The following FARS2 variants were observed in gnomAD, a reference collection of about 807,000 sequenced individuals.
FARS2 encodes phenylalanine--tRNA ligase, mitochondrial.
FARS2 carries 40 observed loss-of-function variants against 46.4 expected under a neutral mutation model. That is an observed-to-expected ratio of 0.86 (90% CI 0.67 to 1.12). The LOEUF (loss-of-function observed/expected upper bound fraction) is 1.12, where lower values mean the gene tolerates loss of function less well. Among genes scored for constraint, FARS2 ranks in the 50% most tolerant of loss-of-function variants. FARS2 has a pLI of 0.00. For synonymous variants in FARS2, 234 were observed against 214.9 expected, an observed-to-expected ratio of 1.09 and a Z score of -0.78; for missense variants, 513 against 567.9, an observed-to-expected ratio of 0.90 and a Z score of 0.98.
At chr6:5,524,147 A>G (rs1295934528) in intron 4 of FARS2, among the ~76,000 whole-genome samples, 1 of 152,220 alleles carries the variant, frequency 6.6e-6, no homozygotes, top group African/African-American at 2.4e-5. Context: ...TCCTATTCAC[A>G]TCTTTAGAGA....
chr6:5,325,850 AAAGT>A (rs1770337282), intron 1 of FARS2, among the ~76,000 whole-genome samples: 3 of 152,208 alleles, frequency 2.0e-5, no homozygotes, highest in African/African-American at 7.2e-5. Flanking sequence ...CTGTTAACAA[AAAGT>A]AAGTACCAAA....
chr6:5,415,218 T>A (rs1318185707), intron 3 of FARS2, among the ~76,000 whole-genome samples: 1 of 152,018 alleles, frequency 6.6e-6, no homozygotes, highest in Non-Finnish European at 1.5e-5. Context: ...TCATTTTTGC[T>A]AGCACTTGTT....
chr6:5,686,404 C>T (rs778626925), intron 6 of FARS2, among the ~76,000 whole-genome samples: 50 of 151,916 alleles, frequency 3.3e-4, no homozygotes, highest in Non-Finnish European at 5.1e-4. Context: ...TTCCTGTGTC[C>T]ATGTGTTCTC....
intron 5 of FARS2, among the ~76,000 whole-genome samples, chr6:5,548,153 A>C (rs1374640809): frequency 6.6e-6 from 1 of 152,188 alleles, no homozygotes; most frequent in East Asian, 1.9e-4. Context: ...CGAGAATAGC[A>C]CAGGAAAGAC....
chr6:5,255,566 T>C, the FARS2 span, among the ~76,000 whole-genome samples: 1 of 152,198 alleles, frequency 6.6e-6, no homozygotes, highest in Non-Finnish European at 1.5e-5. Context: ...CTCAGTAATA[T>C]TTAAGAACGT....
intron 6 of FARS2, among the ~76,000 whole-genome samples, chr6:5,649,219 A>C (rs1386462167): frequency 6.6e-6 from 1 of 152,154 alleles, no homozygotes; most frequent in Non-Finnish European, 1.5e-5. Context: ...CTGTGCATAT[A>C]TCTCTCTTCC....
chr6:5,287,614 C>T (rs1349360492), intron 1 of FARS2, among the ~76,000 whole-genome samples: 1 of 152,196 alleles, frequency 6.6e-6, no homozygotes, highest in Non-Finnish European at 1.5e-5. Context: ...CTTCCCCGTC[C>T]CACAGAAAGA....
intron 6 of FARS2, among the ~76,000 whole-genome samples, chr6:5,615,693 G>C (rs1039762763): frequency 1.3e-5 from 2 of 151,268 alleles, no homozygotes; most frequent in Non-Finnish European, 2.9e-5. Flanking sequence ...CTTTTTTGCC[G>C]CTCATATTTG....
rs112655399 is a variant in FARS2 at position 5,705,938 on chromosome 6, T to C, written c.1218-65353T>C. The stretch of plus-strand genomic sequence containing the variant: ...GCCATTTTCTCCTCATTGGTGATCA[T>C]TATCTTAGTCCTCTGTGTCCAGCAG... On this transcript the variant is annotated intron_variant, in intron 6 of 6. Coordinates refer to ENST00000274680, the MANE Select transcript of FARS2 (RefSeq NM_006567.5). Among the ~76,000 whole-genome samples, 385 of 152,326 alleles carry C rather than the reference T, an allele frequency of 2.5e-3. 1 individual carries two copies. The highest frequency in any genetic ancestry group is 9.1e-3 in the African/African-American group (379 of 41,568).
chr6:5,645,854 T>C (rs1211251476), intron 6 of FARS2, among the ~76,000 whole-genome samples: 3 of 152,250 alleles, frequency 2.0e-5, no homozygotes, highest in Non-Finnish European at 4.4e-5. Context: ...AAGCCATGCA[T>C]TTCAACAAAG....
intron 5 of FARS2, among the ~76,000 whole-genome samples, chr6:5,610,910 A>G (rs1775144671): frequency 6.6e-6 from 1 of 152,240 alleles, no homozygotes; most frequent in African/African-American, 2.4e-5. Flanking sequence ...CCGACGTGGT[A>G]TGTCCACTAG....
At chr6:5,344,877 C>G (rs535927270) in intron 1 of FARS2, among the ~76,000 whole-genome samples, 1 of 151,950 alleles carries the variant, frequency 6.6e-6, no homozygotes, top group Admixed American at 6.6e-5. Context: ...GCAGCCTCCA[C>G]CTCCTGGGTT....
chr6:5,273,231 T>C (rs72813693), intron 1 of FARS2, among the ~76,000 whole-genome samples: 18,778 of 152,274 alleles, frequency 0.12, 1,428 homozygotes, highest in Non-Finnish European at 0.16. Context: ...TTTAGTTTTT[T>C]GAGGAACCTC....
At chr6:5,646,215 A>G (rs1777065824) in intron 6 of FARS2, among the ~76,000 whole-genome samples, 1 of 152,232 alleles carries the variant, frequency 6.6e-6, no homozygotes, top group Non-Finnish European at 1.5e-5. Context: ...GACTTTAATG[A>G]CATTGTTACT....
intron 1 of FARS2, among the ~76,000 whole-genome samples, chr6:5,330,323 C>G (rs529704893): frequency 6.6e-6 from 1 of 152,190 alleles, no homozygotes; most frequent in African/African-American, 2.4e-5. Context: ...TTTGTGATTT[C>G]CCTTTCTTTG....
At chr6:5,637,503 T>A (rs895025614) in intron 6 of FARS2, among the ~76,000 whole-genome samples, 9 of 152,214 alleles carry the variant, frequency 5.9e-5, no homozygotes, top group African/African-American at 2.2e-4. Flanking sequence ...AGAGACAGCA[T>A]CGCCCTCAGC....
upstream of FARS2, chr6:5,260,905 C>A (rs1765054346): frequency 1.4e-6 from 2 of 1,379,330 alleles, no homozygotes; most frequent in East Asian, 2.9e-5. Context: ...TCGCGGACGG[C>A]GCCAGGCGTC....
chr6:5,766,560 A>T (rs1419166783), intron 6 of FARS2, among the ~76,000 whole-genome samples: 1 of 152,242 alleles, frequency 6.6e-6, no homozygotes, highest in Non-Finnish European at 1.5e-5. Flanking sequence ...CTTCTCCATA[A>T]CTTGCAAACC....
chr6:5,623,024 G>A (rs1231866258), intron 6 of FARS2, among the ~76,000 whole-genome samples: 1 of 152,182 alleles, frequency 6.6e-6, no homozygotes, highest in Admixed American at 6.5e-5. Context: ...GAATTGGAAG[G>A]CATGGGTGAG....
Sources: gnomAD v4.1 joint callset for allele counts (sites outside exome capture counted in the v4.1 genomes callset) on GRCh38, gnomAD v4.1.1 for gene constraint, MANE v1.5 for transcripts, NCBI Gene and HGNC (gene_info 2026-07-23, HGNC 2026-07-21) for gene names.